Variants in MAP3K14 observed in about 807,000 individuals in gnomAD.
MAP3K14 encodes the protein NF-kappa-beta-inducing kinase.
Under a neutral mutation model 99.2 loss-of-function variants are expected in MAP3K14, and 16 were observed. The ratio of observed to expected loss-of-function variants is 0.16; its 90% CI spans 0.11 to 0.24. The LOEUF is 0.24. Among genes scored for constraint, MAP3K14 ranks in the 10% least tolerant of loss-of-function variants. The pLI is 1.00. For missense variants in MAP3K14, 784 were observed against 1,208.7 expected, an observed-to-expected ratio of 0.65 and a Z score of 5.21; for synonymous variants, 462 against 492.4, an observed-to-expected ratio of 0.94 and a Z score of 0.82.
chr17:45,308,190 T>C (rs1598266469), intron 1 of MAP3K14, among the ~76,000 whole-genome samples: 2 of 152,336 alleles, frequency 1.3e-5, no homozygotes, highest in Admixed American at 1.3e-4. Context: ...GGAGTTTGGA[T>C]TCAAGTCTTG....
intron 1 of MAP3K14, among the ~76,000 whole-genome samples, chr17:45,311,330 C>A (rs1202184580): frequency 6.6e-6 from 1 of 152,152 alleles, no homozygotes; most frequent in Non-Finnish European, 1.5e-5. Flanking sequence ...TGGTAGTCTG[C>A]CAGAGACAGG....
chr17:45,290,662 C>A lies in MAP3K14; in HGVS notation c.84G>T (p.Lys28Asn). 2 of 1,613,512 alleles carry A rather than the reference C, an allele frequency of 1.2e-6. No homozygotes were observed. Among genetic ancestry groups the A allele is most frequent in the Non-Finnish European group, 1.7e-6 (2 of 1,179,830 alleles). Residue 28 changes from lysine to asparagine, a missense_variant, in exon 2 of 16, where the codon AAG becomes AAT. This residue lies in a region of MAP3K14 where 188 missense variants were observed against 313.0 expected (regional missense o/e 0.60). Coordinates refer to ENST00000344686, the MANE Select transcript of MAP3K14 (RefSeq NM_003954.5). Reference sequence around the variant, plus strand: ...TCTGTTTCTTCCCCAGTGGCGGCGTCTTCTCCTTGGCTTTGGGGAGTTCCT... The same window carrying A: ...TCTGTTTCTTCCCCAGTGGCGGCGTATTCTCCTTGGCTTTGGGGAGTTCCT... Reference protein sequence around the residue: ...QQKELPKAKEKTPPLGKKQSS... With the variant: ...QQKELPKAKENTPPLGKKQSS...
intron 1 of MAP3K14, among the ~76,000 whole-genome samples, chr17:45,300,782 C>T (rs1041039476): frequency 6.6e-6 from 1 of 152,042 alleles, no homozygotes; most frequent in Admixed American, 6.6e-5. Flanking sequence ...AGCATCATAG[C>T]AAGTGAAGAT....
chr17:45,308,204 T>C (rs1009988041), intron 1 of MAP3K14, among the ~76,000 whole-genome samples: 2 of 152,238 alleles, frequency 1.3e-5, no homozygotes, highest in Non-Finnish European at 2.9e-5. Context: ...AGTCTTGTAC[T>C]TTCACTCAAC....
intron 6 of MAP3K14, among the ~76,000 whole-genome samples, chr17:45,278,703 A>C (rs2044197730): frequency 6.6e-6 from 1 of 150,394 alleles, no homozygotes; most frequent in Admixed American, 6.6e-5. Context: ...TTTTGAGACA[A>C]GGTCTCCCTT....
intron 9 of MAP3K14, 94 bp downstream of exon 9, chr17:45,273,409 A>T: frequency 1.1e-6 from 1 of 920,922 alleles, no homozygotes; most frequent in Non-Finnish European, 1.7e-6. Flanking sequence ...AGGTGGACCT[A>T]AGTGTTCACA....
At chr17:45,279,747 T>C (rs1396515436) in intron 6 of MAP3K14, among the ~76,000 whole-genome samples, 4 of 152,178 alleles carry the variant, frequency 2.6e-5, no homozygotes, top group Non-Finnish European at 4.4e-5. Flanking sequence ...CTTATCTGTT[T>C]TATTCCATCA....
intron 6 of MAP3K14, among the ~76,000 whole-genome samples, chr17:45,276,823 C>CTTT (rs35012373): frequency 0.041 from 2,575 of 62,280 alleles, 120 homozygotes; most frequent in Middle Eastern, 0.062. Context: ...TCTTAGACTT[C>CTTT]TTTTTTTTTT....
chr17:45,310,276 C>T (rs1413746466), intron 1 of MAP3K14, among the ~76,000 whole-genome samples: 2 of 151,924 alleles, frequency 1.3e-5, no homozygotes, highest in African/African-American at 2.4e-5. Context: ...CCTTGTGATC[C>T]GCCCGCCTCA....
Position 45,271,032 on chromosome 17 carries a change from T to C in MAP3K14, c.1821+26A>G, listed in dbSNP as rs757953953. The C allele has an allele frequency of 5.6e-6, 9 of 1,606,814 alleles. 1 individual carries two copies. The South Asian group carries it at 8.9e-5, about 16-fold the overall frequency. ...CCCAGGGCCCTGCAGCTCCCCCTGT[T>C]GGCCATGCTGGGTGCCGTCACCGAC... On this transcript the variant is annotated intron_variant, in intron 10 of 15. Coordinates refer to ENST00000344686, the MANE Select transcript of MAP3K14 (RefSeq NM_003954.5).
chr17:45,287,723 C>A (rs11079503), intron 3 of MAP3K14, among the ~76,000 whole-genome samples: 1 of 152,134 alleles, frequency 6.6e-6, no homozygotes, highest in African/African-American at 2.4e-5. Flanking sequence ...GGAGCAGACA[C>A]GGTTCGCTCA....
Position 45,272,362 on chromosome 17 carries a change from A to AT in MAP3K14, c.1657+1140dup, listed in dbSNP as rs149804735. 0.1 allele frequency among the ~76,000 whole-genome samples: 15,129 copies of AT among 151,346 alleles called. 928 individuals carry two copies. Among genetic ancestry groups the AT allele is most frequent in the Admixed American group, 0.15 (2,326 of 15,188 alleles). On this transcript the variant is annotated intron_variant, in intron 9 of 15. Coordinates refer to ENST00000344686, the MANE Select transcript of MAP3K14 (RefSeq NM_003954.5). This position sits in a 1 kb window ranked among gnomAD's most constrained non-coding sequence, Gnocchi z 4.1. Reference sequence around the variant, plus strand: ...AGTTAAAAAGAATCAGAAAAGATACATTTTTTTTTGTAACAAGAAAAAGCC... The same window carrying AT: ...AGTTAAAAAGAATCAGAAAAGATACATTTTTTTTTTGTAACAAGAAAAAGCC...
intron 6 of MAP3K14, 100 bp from the exon 7 acceptor site, chr17:45,274,693 C>T: frequency 7.0e-7 from 1 of 1,429,216 alleles, no homozygotes. Context: ...ACAGAGGCTG[C>T]TGCTGTTTCC....
At chr17:45,284,442 G>GC (rs2044247935) in intron 6 of MAP3K14, among the ~76,000 whole-genome samples, 1 of 152,182 alleles carries the variant, frequency 6.6e-6, no homozygotes, top group Non-Finnish European at 1.5e-5. Context: ...CTATCATCTG[G>GC]CCCAGGTCAG....
At chr17:45,270,631 C>T (rs2044135597) in intron 10 of MAP3K14, 68 bp from the exon 11 acceptor site, 1 of 1,466,896 alleles carries the variant, frequency 6.8e-7, no homozygotes, top group East Asian at 2.5e-5. Context: ...TGTTATTGCT[C>T]TTTGCGCAAC....
Position 45,286,707 on chromosome 17 carries a change from G to A in MAP3K14, c.876C>T (p.Ser292=). 1 of 1,609,834 alleles carries A rather than the reference G, an allele frequency of 6.2e-7. No individual in the cohort carries two copies. The highest frequency in any genetic ancestry group is 8.5e-7 in the Non-Finnish European group (1 of 1,178,166). Residue 292 remains serine (S), a synonymous_variant, in exon 5 of 16, where the codon AGC becomes AGT. Coordinates refer to ENST00000344686, the MANE Select transcript of MAP3K14 (RefSeq NM_003954.5). The surrounding 1 kb of genome is among the most constrained non-coding windows in gnomAD (Gnocchi z 4.1). ...GGTGTGGGTCAGGCAAGGGTTTCTGGCTGTCTACACAGGCCAGTTTGCCCA... is the reference window on the plus strand; with the variant it reads ...GGTGTGGGTCAGGCAAGGGTTTCTGACTGTCTACACAGGCCAGTTTGCCCA... ...SFLGKLACVD[S]QKPLPDPHLS... is the part of the protein sequence containing the mutation.
intron 1 of MAP3K14, among the ~76,000 whole-genome samples, chr17:45,303,308 C>T (rs1489390003): frequency 6.6e-6 from 1 of 152,166 alleles, no homozygotes; most frequent in East Asian, 1.9e-4. Context: ...TGACTGTAAT[C>T]CCATCACCTT....
rs1162128617 is a variant in MAP3K14 at position 45,264,727 on chromosome 17, G to A, written c.2753C>T (p.Ser918Leu). The A allele has an allele frequency of 1.2e-6, 2 of 1,612,492 alleles. No homozygotes were observed. The highest frequency in any genetic ancestry group is 8.5e-7 in the Non-Finnish European group (1 of 1,179,320). Reference protein sequence around the residue: ...PVRYDMEVPDSGIDLQCTLAP... With the variant: ...PVRYDMEVPDLGIDLQCTLAP... Reference sequence around the variant, plus strand: ...CAGTGTGCACTGCAGGTCGATGCCCGAGTCTGGCACCTCCATGTCGTAGCG... The same window carrying A: ...CAGTGTGCACTGCAGGTCGATGCCCAAGTCTGGCACCTCCATGTCGTAGCG... The change falls in exon 16 of 16, where the codon TCG becomes TTG. Residue 918 changes from serine (S) to leucine (L), a missense_variant. Coordinates refer to ENST00000344686, the MANE Select transcript of MAP3K14 (RefSeq NM_003954.5).
Position 45,286,292 on chromosome 17 carries a change from A to AATC in MAP3K14, c.1152+138_1152+139insGAT. On this transcript the variant is annotated intron_variant, in intron 5 of 15. Transcript: ENST00000344686. This position sits in a 1 kb window ranked among gnomAD's most constrained non-coding sequence, Gnocchi z 4.1. ...AGAAGTGAGATTGGCGGAATAAGAG[A>AATC]TGATACTTTTCATCCACAATGAGCA... 1 of 1,096,106 alleles carries AATC rather than the reference A, an allele frequency of 9.1e-7. No individual in the cohort carries two copies. The highest frequency in any genetic ancestry group is 1.7e-5 in the South Asian group (1 of 58,052). 67.9% of individuals were successfully genotyped at this position (1,096,106 alleles called of 1,614,324 possible).
Sources: gnomAD v4.1 joint callset for allele counts (sites outside exome capture counted in the v4.1 genomes callset) on GRCh38, gnomAD v4.1.1 for gene constraint, gnomAD v4.1.1 regional missense constraint, Gnocchi (gnomAD v3.1) non-coding constraint, MANE v1.5 for transcripts, NCBI Gene and HGNC (gene_info 2026-07-23, HGNC 2026-07-21) for gene names.